Variants in SLC16A1 observed in about 807,000 individuals in gnomAD.
SLC16A1 encodes solute carrier family 16 member 1, also known as monocarboxylate transporter 1.
In SLC16A1, 11 loss-of-function variants were observed where a neutral mutation model predicts 32.2. That is an observed-to-expected ratio of 0.34 (90% CI 0.21 to 0.56). The LOEUF (loss-of-function observed/expected upper bound fraction) is 0.56. Among genes scored for constraint, SLC16A1 ranks in the 20% least tolerant of loss-of-function variants. The pLI, the probability that SLC16A1 is intolerant of heterozygous loss-of-function variation, is 0.87. For missense variants in SLC16A1, 435 were observed against 615.0 expected (o/e 0.71, Z 3.10); for synonymous variants, 231 against 226.8 (o/e 1.02, Z -0.17).
rs1648808199 is a variant in SLC16A1, at chr1:112,923,372, C to T, written c.218-1239G>A. 7.0e-6 allele frequency: 4 copies of T among 571,176 alleles called. No individual in the cohort carries two copies. The Admixed American group carries it at 7.9e-5, about 11-fold the overall frequency. 35.4% of individuals were successfully genotyped at this position (571,176 alleles called of 1,614,324 possible). A position where few individuals can be genotyped will look rare whatever the true frequency, so the allele number is the denominator to read the frequency against. ...GCCAACTCCAGGGAGCTGATGCTTC[C>T]AACCACTGCACGTTGCTCCCGGGCT... On this transcript the variant is annotated intron_variant, in intron 2 of 4. Transcript: ENST00000369626.
At chr1:112,933,281 G>A (rs1649197898) in intron 1 of SLC16A1, among the ~76,000 whole-genome samples, 1 of 151,834 alleles carries the variant, frequency 6.6e-6, no homozygotes. Flanking sequence ...CAACCTGGCT[G>A]TCTCTACTAA....
At chr1:112,943,227 A>G (rs911869660) in intron 1 of SLC16A1, among the ~76,000 whole-genome samples, 1 of 152,212 alleles carries the variant, frequency 6.6e-6, no homozygotes, top group African/African-American at 2.4e-5. Flanking sequence ...ATTCATTTTA[A>G]ATTGAAAACC....
At chr1:112,940,715 AAT>A (rs1287504887) in intron 1 of SLC16A1, among the ~76,000 whole-genome samples, 1 of 152,186 alleles carries the variant, frequency 6.6e-6, no homozygotes, top group African/African-American at 2.4e-5. Flanking sequence ...CTATTTAAAT[AAT>A]ATATATTTTA....
intron 1 of SLC16A1, among the ~76,000 whole-genome samples, chr1:112,951,908 AAAAT>A (rs942468429): frequency 1.3e-5 from 2 of 152,228 alleles, no homozygotes; most frequent in African/African-American, 4.8e-5. Context: ...AGTTAAATTA[AAAAT>A]AAATGGTAGA....
chr1:112,953,158 T>A, intron 1 of SLC16A1, among the ~76,000 whole-genome samples: 1 of 151,164 alleles, frequency 6.6e-6, no homozygotes, highest in South Asian at 2.1e-4. Flanking sequence ...AAATCCTTTT[T>A]TTTTTTTTTT....
intron 2 of SLC16A1, chr1:112,924,324 T>C (rs1039505546): frequency 1.8e-5 from 24 of 1,354,282 alleles, no homozygotes; most frequent in Non-Finnish European, 2.4e-5. Flanking sequence ...TGCTCACGAA[T>C]GTCCCAACTA....
intron 1 of SLC16A1, among the ~76,000 whole-genome samples, chr1:112,943,314 AG>A (rs1649575296): frequency 6.6e-6 from 1 of 152,084 alleles, no homozygotes; most frequent in African/African-American, 2.4e-5. Flanking sequence ...CCAGCTACTC[AG>A]AAGACTCTCT....
At position 112,914,211 on chromosome 1, in the gene SLC16A1, G is replaced by T. The variant is rs770845290; in HGVS notation, c.1229-46C>A. 3.8e-5 allele frequency: 61 copies of T among 1,590,630 alleles called. No individual in the cohort carries two copies. The Admixed American group carries it at 5.7e-4, about 15-fold the overall frequency. On this transcript the variant is annotated intron_variant, in intron 4 of 4. Coordinates refer to ENST00000369626, the MANE Select transcript of SLC16A1 (RefSeq NM_003051.4). ...AAACAGTTGTTTCTAAGAGTAAACA[G>T]TTTTTTTTTCCCCCAAGCAAAGCTT...
intron 1 of SLC16A1, among the ~76,000 whole-genome samples, chr1:112,949,767 T>TG (rs1557857338): frequency 6.6e-6 from 1 of 151,634 alleles, no homozygotes; most frequent in East Asian, 2.0e-4. Context: ...CTTGAACTCC[T>TG]GGGCTCAAGT....
chr1:112,925,966 T>C (rs779318827), intron 2 of SLC16A1, among the ~76,000 whole-genome samples: 1 of 152,244 alleles, frequency 6.6e-6, no homozygotes, highest in Non-Finnish European at 1.5e-5. Context: ...CACCCTGTTT[T>C]AAGTTTTGGT....
At chr1:112,925,025 G>A (rs1324210852) in intron 2 of SLC16A1, among the ~76,000 whole-genome samples, 4 of 152,134 alleles carry the variant, frequency 2.6e-5, no homozygotes, top group African/African-American at 7.2e-5. Context: ...CAACGTGGGT[G>A]TAACAACTCA....
chr1:112,924,074 C>A (rs889253767), intron 2 of SLC16A1: 8 of 1,291,454 alleles, frequency 6.2e-6, no homozygotes, highest in Non-Finnish European at 9.0e-6. Flanking sequence ...AGCACCACTT[C>A]GATGGCATTG....
chr1:112,924,087 C>A, intron 2 of SLC16A1: 1 of 1,305,078 alleles, frequency 7.7e-7, no homozygotes, highest in Non-Finnish European at 1.1e-6. Context: ...TGGCATTGCC[C>A]TGGTAGAGAA....
intron 2 of SLC16A1, chr1:112,924,111 G>T: frequency 7.4e-7 from 1 of 1,358,670 alleles, no homozygotes; most frequent in Admixed American, 1.7e-5. Context: ...CCTGCAGGCC[G>T]CGTATGGCGC....
chr1:112,917,289 C>T lies in SLC16A1; in HGVS notation c.1117G>A (p.Val373Ile), dbSNP rs200802632. 51 of 1,614,060 alleles carry T rather than the reference C, an allele frequency of 3.2e-5. No homozygotes were observed. The highest frequency in any genetic ancestry group is 6.7e-5 in the East Asian group (3 of 44,892). Residue 373 changes from valine (V) to isoleucine (I), a missense_variant, in exon 4 of 5, where the codon GTA becomes ATA. Transcript: ENST00000369626. This position sits in a 1 kb window ranked among gnomAD's most constrained non-coding sequence, Gnocchi z 4.1. ...FGFAFGWLSS[V>I]LFETLMDLVG... ...AGGTCCATCAATGTTTCAAACAATA[C>T]GGAGCTGAGCCACCCGAAGGCAAAT... is the stretch of plus-strand genomic sequence containing the variant.
At chr1:112,949,527 T>A (rs1380477205) in intron 1 of SLC16A1, among the ~76,000 whole-genome samples, 2 of 152,206 alleles carry the variant, frequency 1.3e-5, no homozygotes, top group East Asian at 3.8e-4. Context: ...GACATCAGCA[T>A]CTGTGTGCCG....
intron 1 of SLC16A1, among the ~76,000 whole-genome samples, chr1:112,950,754 TGG>T (rs1259936994): frequency 1.3e-5 from 2 of 152,204 alleles, no homozygotes; most frequent in Admixed American, 1.3e-4. Context: ...CCCAGCACTT[TGG>T]GATGCCAAGG....
intron 1 of SLC16A1, chr1:112,955,644 C>G (rs562904223): frequency 2.0e-5 from 3 of 152,446 alleles, no homozygotes; most frequent in South Asian, 2.1e-4. Context: ...CCAGGAGAGT[C>G]TGGAGGTACC....
rs2101619319 is a variant in SLC16A1 at position 112,915,483 on chromosome 1, G to A, written c.1229-1318C>T. On this transcript the variant is annotated intron_variant, in intron 4 of 4. Coordinates refer to ENST00000369626, the MANE Select transcript of SLC16A1 (RefSeq NM_003051.4). ...GACAGCTGGGGCCAGCCCATGCAGT[G>A]CCTTGCAAGCCACATTAGGGAATTT... is the stretch of plus-strand genomic sequence containing the variant. Among the ~76,000 whole-genome samples the A allele has an allele frequency of 1.3e-5, 2 of 152,322 alleles. 1 individual carries two copies. The highest frequency in any genetic ancestry group is 4.1e-4 in the South Asian group (2 of 4,834).
Sources: gnomAD v4.1 joint callset for allele counts (sites outside exome capture counted in the v4.1 genomes callset) on GRCh38, gnomAD v4.1.1 for gene constraint, Gnocchi (gnomAD v3.1) non-coding constraint, MANE v1.5 for transcripts, NCBI Gene and HGNC (gene_info 2026-07-23, HGNC 2026-07-21) for gene names.